Variants in LINGO2 observed in about 807,000 individuals in gnomAD.
LINGO2 encodes the protein leucine rich repeat and Ig domain containing 2, also known as leucine-rich repeat and immunoglobulin-like domain-containing nogo receptor-interacting protein 2.
Under a neutral mutation model 30.6 loss-of-function variants are expected in LINGO2, and 14 were observed. The ratio of observed to expected loss-of-function variants is 0.46; its 90% CI spans 0.30 to 0.72. LINGO2 has a LOEUF of 0.72. Among genes scored for constraint, LINGO2 ranks in the 30% least tolerant of loss-of-function variants. LINGO2 has a pLI of 0.07. For synonymous variants in LINGO2, 317 were observed against 288.5 expected, an observed-to-expected ratio of 1.10 and a Z score of -1.00; for missense variants, 729 against 751.7, an observed-to-expected ratio of 0.97 and a Z score of 0.35.
At chr9:28,773,015 A>C in the LINGO2 span, among the ~76,000 whole-genome samples, 1 of 152,134 alleles carries the variant, frequency 6.6e-6, no homozygotes. Context: ...GAAAAATAAT[A>C]ATCACATAAA....
In LINGO2 at chr9:28,606,855, T is replaced by G. The variant is rs192781630; in HGVS notation, c.-365+63345A>C. Among the ~76,000 whole-genome samples the G allele has an allele frequency of 3.2e-3, 491 of 152,162 alleles. 1 individual carries two copies. The highest frequency in any genetic ancestry group is 5.6e-3 in the Non-Finnish European group (378 of 67,924). On this transcript the variant is annotated intron_variant, in intron 1 of 5. Coordinates refer to ENST00000379992, the Ensembl canonical transcript of LINGO2. The stretch of plus-strand genomic sequence containing the variant: ...GGAGGATTATATAAATGTTCAAATA[T>G]TTTTATCAAATTGTACAATTAACTA...
exon 6 of LINGO2, chr9:27,950,608 T>C: frequency 1.3e-6 from 2 of 1,520,252 alleles, no homozygotes. Flanking sequence ...GTGGATCCCA[T>C]GAAGATTAAC....
intron 4 of LINGO2, among the ~76,000 whole-genome samples, chr9:28,036,470 A>G (rs1379132249): frequency 6.6e-6 from 1 of 152,114 alleles, no homozygotes; most frequent in Non-Finnish European, 1.5e-5. Context: ...TAAGTTATCA[A>G]TCTAGTTCTA....
chr9:29,071,374 A>G, the LINGO2 span, among the ~76,000 whole-genome samples: 1 of 150,404 alleles, frequency 6.6e-6, no homozygotes, highest in Non-Finnish European at 1.5e-5. Context: ...TTTTAAATAT[A>G]TAACAATTTC....
the LINGO2 span, among the ~76,000 whole-genome samples, chr9:28,845,367 C>A: frequency 6.6e-6 from 1 of 151,744 alleles, no homozygotes; most frequent in African/African-American, 2.4e-5. Context: ...TCCATATTTC[C>A]TTTGGGATTG....
the LINGO2 span, among the ~76,000 whole-genome samples, chr9:28,950,091 T>C: frequency 2.0e-5 from 3 of 152,170 alleles, no homozygotes; most frequent in African/African-American, 7.2e-5. Flanking sequence ...TGGTTCAATA[T>C]ACATAAATCA....
intron 1 of LINGO2, among the ~76,000 whole-genome samples, chr9:28,655,331 T>G (rs1331890303): frequency 6.6e-6 from 1 of 152,210 alleles, no homozygotes. Context: ...CTTTACCCAA[T>G]GCCTGCACCC....
chr9:29,035,495 G>C, the LINGO2 span, among the ~76,000 whole-genome samples: 1 of 151,082 alleles, frequency 6.6e-6, no homozygotes, highest in South Asian at 2.1e-4. Context: ...CAGCATCTAA[G>C]CTGACATCTT....
At chr9:28,507,138 C>T (rs1820173097) in intron 1 of LINGO2, among the ~76,000 whole-genome samples, 1 of 152,002 alleles carries the variant, frequency 6.6e-6, no homozygotes, top group African/African-American at 2.4e-5. Flanking sequence ...TGAATGGCAA[C>T]TCTCGCTGAT....
the LINGO2 span, among the ~76,000 whole-genome samples, chr9:28,999,147 T>A: frequency 4.6e-5 from 7 of 152,208 alleles, no homozygotes; most frequent in Admixed American, 1.3e-4. Context: ...GATTCTTAAT[T>A]ATGATATACA....
the LINGO2 span, among the ~76,000 whole-genome samples, chr9:28,894,432 T>C: frequency 6.6e-6 from 1 of 152,138 alleles, no homozygotes; most frequent in Non-Finnish European, 1.5e-5. Context: ...TATAGTCATT[T>C]TTAAAGCTTA....
At chr9:28,583,869 G>T (rs1017344489) in intron 1 of LINGO2, among the ~76,000 whole-genome samples, 2 of 152,022 alleles carry the variant, frequency 1.3e-5, no homozygotes, top group Non-Finnish European at 1.5e-5. Flanking sequence ...ACTTTAAAAG[G>T]TTATTAGGTC....
chr9:28,505,797 T>C (rs1820086606), intron 1 of LINGO2, among the ~76,000 whole-genome samples: 1 of 151,914 alleles, frequency 6.6e-6, no homozygotes. Flanking sequence ...TATCAACACA[T>C]TGTTATCTCT....
At chr9:28,595,772 C>A (rs16913363) in intron 1 of LINGO2, among the ~76,000 whole-genome samples, 1 of 151,892 alleles carries the variant, frequency 6.6e-6, no homozygotes, top group Non-Finnish European at 1.5e-5. Context: ...AGGATCACAG[C>A]GGGGGAAACC....
At chr9:28,650,361 C>T (rs1394197655) in intron 1 of LINGO2, among the ~76,000 whole-genome samples, 15 of 152,000 alleles carry the variant, frequency 9.9e-5, no homozygotes, top group African/African-American at 3.6e-4. Flanking sequence ...GATTAGTGCC[C>T]AAATCTCCAA....
intron 4 of LINGO2, among the ~76,000 whole-genome samples, chr9:28,059,061 C>T (rs1825055899): frequency 6.6e-6 from 1 of 152,032 alleles, no homozygotes; most frequent in Non-Finnish European, 1.5e-5. Context: ...AGTAGTTAGG[C>T]TGTTGGGAAA....
At chr9:28,916,607 G>C in the LINGO2 span, among the ~76,000 whole-genome samples, 1 of 152,142 alleles carries the variant, frequency 6.6e-6, no homozygotes, top group African/African-American at 2.4e-5. Flanking sequence ...ATTGCTTCCA[G>C]TTGTCTTGCC....
chr9:28,125,222 TA>T (rs779504812), intron 4 of LINGO2, among the ~76,000 whole-genome samples: 18 of 152,232 alleles, frequency 1.2e-4, no homozygotes, highest in Non-Finnish European at 2.1e-4. Context: ...GCTGTGGCTA[TA>T]AATTTCTTTA....
At chr9:28,054,064 CAAA>C (rs11461978) in intron 4 of LINGO2, among the ~76,000 whole-genome samples, 1 of 149,084 alleles carries the variant, frequency 6.7e-6, no homozygotes, top group African/African-American at 2.5e-5. Flanking sequence ...AGCTAGCAGA[CAAA>C]AAAAAAGAGA....
Sources: allele counts gnomAD v4.1 joint callset (sites outside exome capture counted in the v4.1 genomes callset), GRCh38; gene constraint gnomAD v4.1.1; transcripts MANE v1.5; gene names NCBI Gene and HGNC (gene_info 2026-07-23, HGNC 2026-07-21).